Variants in DNM3 observed in about 807,000 individuals in gnomAD.
DNM3 encodes dynamin 3.
In DNM3, 47 loss-of-function variants were observed where a neutral mutation model predicts 101.6. That is an observed-to-expected ratio of 0.46 (90% CI 0.37 to 0.59). The LOEUF (loss-of-function observed/expected upper bound fraction) is 0.59, where lower values mean the gene tolerates loss of function less well. Ranked by LOEUF, DNM3 falls within the 20% of genes least tolerant of loss-of-function variation. DNM3 has a pLI of 0.00. For synonymous variants in DNM3, 385 were observed against 387.9 expected (o/e 0.99, Z 0.09); for missense variants, 849 against 1,085.7 (o/e 0.78, Z 3.06).
In DNM3 at chr1:171,952,700, A is replaced by T. The variant is rs12060632; in HGVS notation, c.235+30879A>T. Among the ~76,000 whole-genome samples, 1,436 of 152,350 alleles carry T rather than the reference A, an allele frequency of 9.4e-3. 21 individuals carry two copies. Among genetic ancestry groups the T allele is most frequent in the African/African-American group, 0.032 (1,342 of 41,588 alleles). On this transcript the variant is annotated intron_variant, in intron 2 of 20. Coordinates refer to ENST00000627582, the MANE Select transcript of DNM3 (RefSeq NM_015569.5). ...ACACAAAATTTAGTACATGGAATTT[A>T]TTATAAATGGAAAGACTAGTACATT...
intron 19 of DNM3, among the ~76,000 whole-genome samples, chr1:172,388,133 C>A (rs2069304294): frequency 6.6e-6 from 1 of 151,850 alleles, no homozygotes; most frequent in South Asian, 2.1e-4. Flanking sequence ...ACTCGGGAGG[C>A]TGAGGCAGGA....
chr1:172,029,169 T>C (rs1472829369), intron 4 of DNM3, among the ~76,000 whole-genome samples: 1 of 152,200 alleles, frequency 6.6e-6, no homozygotes, highest in Non-Finnish European at 1.5e-5. Flanking sequence ...AATAAAATAC[T>C]GGCAAATCTA....
At position 172,163,523 on chromosome 1, in the gene DNM3, C is replaced by A. The variant is rs187054014; in HGVS notation, c.1659+32235C>A. On this transcript the variant is annotated intron_variant, in intron 14 of 20. Transcript: ENST00000627582. ...AAAGTGCTAGGATTACAGGCGTGAG[C>A]CACTGTGCCTGGCCAATATTCTTAA... 1.1e-3 allele frequency among the ~76,000 whole-genome samples: 169 copies of A among 152,162 alleles called. 1 individual carries two copies. Among genetic ancestry groups the A allele is most frequent in the Admixed American group, 6.9e-3 (106 of 15,258 alleles).
chr1:172,415,524 G>GTTTTT (rs386368747), downstream of DNM3: 4,683 of 98,568 alleles, frequency 0.048, 418 homozygotes, highest in Middle Eastern at 0.064. Context: ...TTTTTTGTGA[G>GTTTTT]TTTTTTTTTT....
chr1:172,217,306 G>A (rs564986657), intron 14 of DNM3, among the ~76,000 whole-genome samples: 1 of 152,242 alleles, frequency 6.6e-6, no homozygotes, highest in Admixed American at 6.5e-5. Context: ...AGGAGCAACA[G>A]CACTAAAAAG....
intron 1 of DNM3, among the ~76,000 whole-genome samples, chr1:171,907,720 G>A (rs1030076957): frequency 2.0e-5 from 3 of 152,044 alleles, no homozygotes; most frequent in East Asian, 1.9e-4. Flanking sequence ...CCTTCAAGTC[G>A]TTACTAAACT....
At chr1:172,003,253 C>T (rs2046462569) in intron 4 of DNM3, among the ~76,000 whole-genome samples, 1 of 151,956 alleles carries the variant, frequency 6.6e-6, no homozygotes, top group African/African-American at 2.4e-5. Context: ...ATTTCAAAGA[C>T]ATTAAAACAC....
rs2071134438 is a variant in DNM3, at chr1:172,410,310, T to C, written c.*2469T>C. The C allele has an allele frequency of 2.0e-6, 2 of 985,238 alleles. No individual in the cohort carries two copies. The highest frequency in any genetic ancestry group is 2.4e-6 in the Non-Finnish European group (2 of 829,878). The allele number at this position is 985,238 out of a possible 1,614,324, so 61.0% of individuals were successfully genotyped here. On this transcript the variant is annotated 3_prime_UTR_variant, in exon 21 of 21. Coordinates refer to ENST00000627582, the MANE Select transcript of DNM3 (RefSeq NM_015569.5). The stretch of plus-strand genomic sequence containing the variant: ...GCAGCATGCACACCAGGCCTTAAGA[T>C]GGGAATGTAGCTTAATGATTTTCTG...
chr1:172,044,305 G>A, intron 8 of DNM3, 80 bp from the exon 9 acceptor site: 1 of 1,230,386 alleles, frequency 8.1e-7, no homozygotes, highest in South Asian at 1.5e-5. Context: ...ATGAAGTCAA[G>A]TTATTCTCAT....
At chr1:172,040,766 C>T (rs2049321103) in intron 7 of DNM3, among the ~76,000 whole-genome samples, 1 of 151,960 alleles carries the variant, frequency 6.6e-6, no homozygotes, top group Non-Finnish European at 1.5e-5. Flanking sequence ...AGAACCAATG[C>T]TTGAGCTGAG....
At chr1:172,348,581 A>T (rs1043243539) in intron 17 of DNM3, among the ~76,000 whole-genome samples, 1 of 152,234 alleles carries the variant, frequency 6.6e-6, no homozygotes, top group African/African-American at 2.4e-5. Flanking sequence ...TTATGTACAG[A>T]GTATTTTGTG....
At chr1:172,116,666 T>G (rs2055917759) in intron 13 of DNM3, among the ~76,000 whole-genome samples, 1 of 152,204 alleles carries the variant, frequency 6.6e-6, no homozygotes. Context: ...TTTGGGATAT[T>G]AAAATAGGGC....
chr1:171,870,701 A>G (rs1335125757), intron 1 of DNM3, among the ~76,000 whole-genome samples: 1 of 152,212 alleles, frequency 6.6e-6, no homozygotes, highest in Admixed American at 6.5e-5. Context: ...TTCTGAGGAA[A>G]GATATGACAC....
chr1:172,103,862 G>T (rs144541309), intron 13 of DNM3, among the ~76,000 whole-genome samples: 4 of 152,130 alleles, frequency 2.6e-5, no homozygotes, highest in African/African-American at 9.7e-5. Context: ...TTAGCTGGGC[G>T]TGGTGGTGCA....
At chr1:172,153,975 A>G (rs1330292449) in intron 14 of DNM3, among the ~76,000 whole-genome samples, 2 of 152,078 alleles carry the variant, frequency 1.3e-5, no homozygotes, top group African/African-American at 4.8e-5. Flanking sequence ...AATATTTCCA[A>G]ATAACATATA....
intron 17 of DNM3, chr1:172,338,929 T>G (rs2066565396): frequency 2.4e-6 from 1 of 412,406 alleles, no homozygotes; most frequent in African/African-American, 2.1e-5. Context: ...AGTTTTAGTT[T>G]TCTTTCTTTT....
At chr1:171,965,390 A>G (rs534984718) in intron 2 of DNM3, among the ~76,000 whole-genome samples, 12 of 151,918 alleles carry the variant, frequency 7.9e-5, no homozygotes, top group Middle Eastern at 6.8e-3. Context: ...AAAAAAAAAA[A>G]AAATACACAA....
At chr1:171,859,425 G>A (rs1283904905) in intron 1 of DNM3, among the ~76,000 whole-genome samples, 3 of 152,076 alleles carry the variant, frequency 2.0e-5, no homozygotes, top group South Asian at 4.1e-4. Context: ...TGAGCCTCTC[G>A]AGGGCAGGGT....
At chr1:172,024,714 G>A (rs998398979) in intron 4 of DNM3, among the ~76,000 whole-genome samples, 1 of 152,190 alleles carries the variant, frequency 6.6e-6, no homozygotes, top group African/African-American at 2.4e-5. Flanking sequence ...GAAACTCCCT[G>A]CCCTAGCAAA....
Sources: allele counts gnomAD v4.1 joint callset (sites outside exome capture counted in the v4.1 genomes callset), GRCh38; gene constraint gnomAD v4.1.1; transcripts MANE v1.5; gene names NCBI Gene and HGNC (gene_info 2026-07-23, HGNC 2026-07-21).